The following COL22A1 variants were observed in gnomAD, a reference collection of about 807,000 sequenced individuals.
COL22A1 encodes the protein collagen alpha-1(XXII) chain.
Under a neutral mutation model 248.9 loss-of-function variants are expected in COL22A1, and 221 were observed. That is an observed-to-expected ratio of 0.89 (90% CI 0.80 to 0.99). The LOEUF (loss-of-function observed/expected upper bound fraction) is 0.99, where lower values mean the gene tolerates loss of function less well. Among genes scored for constraint, COL22A1 ranks in the 50% least tolerant of loss-of-function variants. The pLI, the probability that COL22A1 is intolerant of heterozygous loss-of-function variation, is 0.00. For missense variants in COL22A1, 2,240 were observed against 2,179.0 expected, an observed-to-expected ratio of 1.03 and a Z score of -0.56; for synonymous variants, 891 against 793.4, an observed-to-expected ratio of 1.12 and a Z score of -2.07.
Position 138,883,262 on chromosome 8 carries a change from C to A in COL22A1, c.-72-18G>T, listed in dbSNP as rs1048082326. The A allele has an allele frequency of 2.1e-5, 28 of 1,308,824 alleles. No individual in the cohort carries two copies. In the African/African-American group the frequency reaches 3.7e-4, roughly 17 times the overall value. The allele number at this position is 1,308,824 out of a possible 1,614,324, so 81.1% of individuals were successfully genotyped here. ...AGCATGGCCTGTGTGGAGAAAGACA[C>A]CCTTAGAGAAGGCTCTCAAGCTGAA... On this transcript the variant is annotated intron_variant, in intron 1 of 64. Transcript: ENST00000303045.
chr8:138,825,586 A>AG (rs1246333580), intron 6 of COL22A1: 3 of 152,224 alleles, frequency 2.0e-5, no homozygotes, highest in African/African-American at 7.2e-5. Flanking sequence ...GCTCCTACTA[A>AG]GAGTATGTAC....
intron 2 of COL22A1, among the ~76,000 whole-genome samples, chr8:138,881,115 A>G (rs535537558): frequency 2.1e-4 from 32 of 152,254 alleles, no homozygotes; most frequent in South Asian, 1.7e-3. Flanking sequence ...ATTTTCTACT[A>G]TGAAATGAGG....
chr8:138,858,354 CT>C (rs2131942353), intron 3 of COL22A1, among the ~76,000 whole-genome samples: 1 of 152,056 alleles, frequency 6.6e-6, no homozygotes, highest in Non-Finnish European at 1.5e-5. Flanking sequence ...TTCTTTTTTT[CT>C]TTTTCTTTGT....
rs1455345736 is a variant in COL22A1, at chr8:138,602,159, C to G, written c.4141G>C (p.Gly1381Arg). ...GGCTCTCCAGGCTTCCCAGGGACCC[C>G]CTGCAAGGAGAAAGAAAGGACAGTC... ...PGEKGVPGKE[G>R]VPGKPGEPGF... The change falls in exon 60 of 65, where the codon GGG (glycine) becomes CGG (arginine). Residue 1381 changes from glycine (G) to arginine (R), a missense_variant and splice_region_variant. Physicochemically the swap from Gly to Arg is moderately radical, Grantham distance 125. Coordinates refer to ENST00000303045, the MANE Select transcript of COL22A1 (RefSeq NM_152888.3). The G allele has an allele frequency of 1.2e-6, 2 of 1,613,960 alleles. No individual in the cohort carries two copies. The highest frequency in any genetic ancestry group is 2.2e-5 in the East Asian group (1 of 44,872).
In COL22A1 at chr8:138,610,330, G is replaced by C. The variant is rs545906381; in HGVS notation, c.3979-2341C>G. On this transcript the variant is annotated intron_variant, in intron 56 of 64. Transcript: ENST00000303045. ...TACCTCTGGGTGTCTGTAGATTTTA[G>C]AGAAAGCAAAATGACAGTTTTCAGG... is the stretch of plus-strand genomic sequence containing the variant. Among the ~76,000 whole-genome samples, 3 of 152,290 alleles carry C rather than the reference G, an allele frequency of 2.0e-5. No homozygotes were observed. The South Asian group carries it at 6.2e-4, about 32-fold the overall frequency.
chr8:138,882,010 T>C (rs1824251410), intron 2 of COL22A1, among the ~76,000 whole-genome samples: 2 of 152,148 alleles, frequency 1.3e-5, no homozygotes, highest in African/African-American at 2.4e-5. Flanking sequence ...GTCTACTACA[T>C]AAACACGCTT....
intron 31 of COL22A1, 88 bp from the exon 32 acceptor site, chr8:138,700,232 G>A: frequency 7.8e-7 from 1 of 1,274,758 alleles, no homozygotes; most frequent in Admixed American, 1.9e-5. Flanking sequence ...AGATTTACAA[G>A]TGAAAGAATA....
chr8:138,762,588 G>T, intron 16 of COL22A1, 122 bp from the exon 17 acceptor site: 2 of 551,048 alleles, frequency 3.6e-6, no homozygotes, highest in South Asian at 2.1e-5. Context: ...AAACGCACGT[G>T]CACACACACA....
chr8:138,775,065 A>ATTTATTTATTAAATATTCCTATG (rs1365471374), intron 16 of COL22A1, among the ~76,000 whole-genome samples: 5 of 152,238 alleles, frequency 3.3e-5, no homozygotes, highest in Non-Finnish European at 7.3e-5. Context: ...TTAAGGTTGA[A>ATTTATTTATTAAATATTCCTATG]GAACAAGTTC....
intron 3 of COL22A1, among the ~76,000 whole-genome samples, chr8:138,852,724 G>A (rs1821735504): frequency 6.6e-6 from 1 of 152,142 alleles, no homozygotes; most frequent in Non-Finnish European, 1.5e-5. Context: ...CGGCAAAGGA[G>A]ACTGAGAAGG....
intron 18 of COL22A1, among the ~76,000 whole-genome samples, chr8:138,758,015 A>G (rs1158434110): frequency 2.6e-5 from 4 of 152,234 alleles, no homozygotes; most frequent in Admixed American, 6.5e-5. Context: ...ATTCGGTGAT[A>G]AAAATGACTG....
chr8:138,797,958 G>C (rs1231515567), intron 11 of COL22A1, among the ~76,000 whole-genome samples: 3 of 149,244 alleles, frequency 2.0e-5, no homozygotes, highest in Non-Finnish European at 3.0e-5. Context: ...TCTAATATTA[G>C]TACAGTCACC....
intron 22 of COL22A1, among the ~76,000 whole-genome samples, chr8:138,746,058 C>G (rs573664839): frequency 1.6e-4 from 25 of 152,368 alleles, no homozygotes; most frequent in African/African-American, 6.0e-4. Context: ...TGGCGTGGAG[C>G]GTGCCTCGCT....
At chr8:138,641,420 T>C (rs1001241795) in intron 47 of COL22A1, among the ~76,000 whole-genome samples, 1 of 152,184 alleles carries the variant, frequency 6.6e-6, no homozygotes, top group Non-Finnish European at 1.5e-5. Flanking sequence ...AGAATAGTCA[T>C]CATTTCCAAC....
rs1817924947 is a variant in COL22A1 at position 138,600,691 on chromosome 8, GC to G, written c.4185+1423del. ...CACTGTTGAACAATGTACCTGTATTGCTTTTAATATTTCAACAATAACCCAA... is the reference window on the plus strand; with the variant it reads ...CACTGTTGAACAATGTACCTGTATTGTTTTAATATTTCAACAATAACCCAA... On this transcript the variant is annotated intron_variant, in intron 60 of 64. Transcript: ENST00000303045. Among the ~76,000 whole-genome samples, 3 of 152,142 alleles carry G rather than the reference GC, an allele frequency of 2.0e-5. No homozygotes were observed. In the South Asian group the frequency reaches 6.2e-4, roughly 32 times the overall value.
At chr8:138,878,340 G>A (rs1196766433) in intron 2 of COL22A1, 24 bp from the exon 3 acceptor site, 1 of 1,490,394 alleles carries the variant, frequency 6.7e-7, no homozygotes, top group Admixed American at 2.2e-5. Flanking sequence ...AGAAGGGGTG[G>A]CGTAGGGCAA....
intron 21 of COL22A1, among the ~76,000 whole-genome samples, chr8:138,753,411 A>T (rs1302333048): frequency 6.6e-6 from 1 of 152,198 alleles, no homozygotes; most frequent in Admixed American, 6.5e-5. Flanking sequence ...CTTATCACTA[A>T]CATCATGTAT....
intron 9 of COL22A1, among the ~76,000 whole-genome samples, chr8:138,811,272 T>TACAC (rs10566309): frequency 1.3e-5 from 2 of 148,650 alleles, no homozygotes; most frequent in South Asian, 2.1e-4. Flanking sequence ...TATATATATA[T>TACAC]ACACACACAC....
rs997046039 is a variant in COL22A1 at position 138,613,519 on chromosome 8, G to T, written c.3978+348C>A. Among the ~76,000 whole-genome samples the T allele has an allele frequency of 3.3e-5, 5 of 152,180 alleles. No individual in the cohort carries two copies. The South Asian group carries it at 6.2e-4, about 19-fold the overall frequency. Reference sequence around the variant, plus strand: ...CTGCCACGTACCACATTCCATTCATGGTACTTGGTTACAGCAGCCTCGGGA... The same window carrying T: ...CTGCCACGTACCACATTCCATTCATTGTACTTGGTTACAGCAGCCTCGGGA... On this transcript the variant is annotated intron_variant, in intron 56 of 64. Transcript: ENST00000303045.
Sources: gnomAD v4.1 joint callset for allele counts (sites outside exome capture counted in the v4.1 genomes callset) on GRCh38, gnomAD v4.1.1 for gene constraint, MANE v1.5 for transcripts, NCBI Gene and HGNC (gene_info 2026-07-23, HGNC 2026-07-21) for gene names.